The following KCNMA1 variants were observed in gnomAD, a reference collection of about 807,000 sequenced individuals.
KCNMA1 encodes the protein potassium calcium-activated channel subfamily M alpha 1, also known as Calcium-activated potassium channel subunit alpha-1.
A neutral mutation model predicts 140.0 loss-of-function variants in KCNMA1; 29 were observed. The ratio of observed to expected loss-of-function variants is 0.21; its 90% CI spans 0.15 to 0.28. KCNMA1 has a LOEUF of 0.28. Ranked by LOEUF, KCNMA1 falls within the 10% of genes least tolerant of loss-of-function variation. The pLI is 1.00. For synonymous variants in KCNMA1, 612 were observed against 611.9 expected, an observed-to-expected ratio of 1.00 and a Z score of 0.00; for missense variants, 880 against 1,602.2, an observed-to-expected ratio of 0.55 and a Z score of 7.70.
At chr10:77,349,377 A>G (rs2092597023) in intron 2 of KCNMA1, among the ~76,000 whole-genome samples, 1 of 152,200 alleles carries the variant, frequency 6.6e-6, no homozygotes, top group African/African-American at 2.4e-5. Flanking sequence ...TGAGAAATAA[A>G]TGTGCTTATC....
At chr10:76,891,169 A>G (rs963613508) in intron 26 of KCNMA1, among the ~76,000 whole-genome samples, 2 of 152,248 alleles carry the variant, frequency 1.3e-5, no homozygotes, top group Non-Finnish European at 2.9e-5. Context: ...CCTTGTGCAG[A>G]GGATACGTGA....
At chr10:77,468,233 G>T (rs1288824416) in intron 1 of KCNMA1, among the ~76,000 whole-genome samples, 4 of 152,116 alleles carry the variant, frequency 2.6e-5, no homozygotes, top group African/African-American at 4.8e-5. Flanking sequence ...GTCTCGAACT[G>T]TCAGAACTGT....
intron 5 of KCNMA1, among the ~76,000 whole-genome samples, chr10:77,126,321 T>C (rs1313634813): frequency 6.6e-6 from 1 of 152,176 alleles, no homozygotes; most frequent in Non-Finnish European, 1.5e-5. Context: ...GTAACTTCTC[T>C]ATCTATTCTC....
chr10:76,986,942 C>T (rs1279709511), intron 19 of KCNMA1, among the ~76,000 whole-genome samples: 2 of 152,128 alleles, frequency 1.3e-5, no homozygotes, highest in East Asian at 3.9e-4. Context: ...TGAGATCAAT[C>T]TATTCAAGAG....
At chr10:77,569,531 A>C (rs1312144716) in intron 1 of KCNMA1, among the ~76,000 whole-genome samples, 5 of 150,948 alleles carry the variant, frequency 3.3e-5, no homozygotes, top group Non-Finnish European at 4.4e-5. Flanking sequence ...CTGGCTAGCC[A>C]TATGTAGAAA....
chr10:77,397,346 C>CT (rs1566567646), intron 2 of KCNMA1, among the ~76,000 whole-genome samples: 1 of 152,088 alleles, frequency 6.6e-6, no homozygotes, highest in Non-Finnish European at 1.5e-5. Context: ...CCACCTGTTT[C>CT]TTTTTTTAAA....
intron 3 of KCNMA1, among the ~76,000 whole-genome samples, chr10:77,185,809 G>A (rs2098845217): frequency 6.6e-6 from 1 of 151,996 alleles, no homozygotes; most frequent in African/African-American, 2.4e-5. Flanking sequence ...GTGGGAAGTA[G>A]GAAAGCCTCA....
chr10:77,209,697 G>A (rs558824416), intron 3 of KCNMA1, among the ~76,000 whole-genome samples: 52 of 152,160 alleles, frequency 3.4e-4, no homozygotes, highest in African/African-American at 1.2e-3. Context: ...TCAAATAAGT[G>A]CAATCAGAAA....
chr10:77,416,491 GAAGA>G (rs1459386939), intron 1 of KCNMA1, among the ~76,000 whole-genome samples: 1 of 152,204 alleles, frequency 6.6e-6, no homozygotes, highest in Non-Finnish European at 1.5e-5. Flanking sequence ...GGGCAACTGG[GAAGA>G]AAGAATTCAA....
At chr10:77,348,477 C>A (rs1477413050) in intron 2 of KCNMA1, among the ~76,000 whole-genome samples, 4 of 152,048 alleles carry the variant, frequency 2.6e-5, no homozygotes, top group South Asian at 4.2e-4. Flanking sequence ...CCACAGAAGT[C>A]CCAAAAAAAG....
chr10:77,012,585 G>A lies in KCNMA1; in HGVS notation c.2016-542C>T, dbSNP rs759652648. On this transcript the variant is annotated intron_variant, in intron 17 of 27. Coordinates refer to ENST00000286628, the MANE Select transcript of KCNMA1 (RefSeq NM_001161352.2). Reference sequence around the variant, plus strand: ...GCAGAGAGGGAAAAACGAAAGCCACGAGTCAGTGGGTTCCTCTGTCAAACC... The same window carrying A: ...GCAGAGAGGGAAAAACGAAAGCCACAAGTCAGTGGGTTCCTCTGTCAAACC... 1.1e-4 allele frequency: 171 copies of A among 1,525,102 alleles called. No homozygotes were observed. The African/African-American group carries it at 1.5e-3, about 14-fold the overall frequency. 94.5% of individuals were successfully genotyped at this position (1,525,102 alleles called of 1,614,324 possible). A position where few individuals can be genotyped will look rare whatever the true frequency, so the allele number is the denominator to read the frequency against.
At chr10:77,007,651 G>GTATATA (rs1419890065) in intron 18 of KCNMA1, among the ~76,000 whole-genome samples, 1 of 8,412 alleles carries the variant, frequency 1.2e-4, no homozygotes, top group African/African-American at 6.1e-4. Flanking sequence ...TATTGTGTGT[G>GTATATA]TGTATATATA....
chr10:77,204,168 C>T lies in KCNMA1; in HGVS notation c.603-19252G>A, dbSNP rs145008921. 4.6e-5 allele frequency among the ~76,000 whole-genome samples: 7 copies of T among 151,874 alleles called. No individual in the cohort carries two copies. In the East Asian group the frequency reaches 1.4e-3, roughly 29 times the overall value. Reference sequence around the variant, plus strand: ...GACAATTACATCAGTTACAATATTACTACAATCCCTAGAGGATGAGGTGCA... The same window carrying T: ...GACAATTACATCAGTTACAATATTATTACAATCCCTAGAGGATGAGGTGCA... On this transcript the variant is annotated intron_variant, in intron 3 of 27. Coordinates refer to ENST00000286628, the MANE Select transcript of KCNMA1 (RefSeq NM_001161352.2).
intron 2 of KCNMA1, among the ~76,000 whole-genome samples, chr10:77,372,296 C>T (rs543756355): frequency 1.3e-5 from 2 of 152,194 alleles, no homozygotes; most frequent in Admixed American, 1.3e-4. Flanking sequence ...TTGTTCCCAT[C>T]GCTGCCACTC....
chr10:77,368,865 T>G (rs1047883600), intron 2 of KCNMA1, among the ~76,000 whole-genome samples: 1 of 152,250 alleles, frequency 6.6e-6, no homozygotes, highest in Non-Finnish European at 1.5e-5. Context: ...GGTCTATTTT[T>G]GGACTCTAGT....
chr10:77,462,310 G>A (rs1309718332), intron 1 of KCNMA1, among the ~76,000 whole-genome samples: 1 of 151,762 alleles, frequency 6.6e-6, no homozygotes, highest in African/African-American at 2.4e-5. Flanking sequence ...CACATACACA[G>A]AAACATATAT....
intron 2 of KCNMA1, among the ~76,000 whole-genome samples, chr10:77,340,873 C>CAAA (rs11297506): frequency 7.4e-6 from 1 of 135,562 alleles, no homozygotes. Context: ...TAAAAAATGC[C>CAAA]AAAAAAAAAA....
chr10:77,069,697 G>C (rs984219192), intron 14 of KCNMA1, among the ~76,000 whole-genome samples: 8 of 152,202 alleles, frequency 5.3e-5, no homozygotes, highest in African/African-American at 1.9e-4. Context: ...AGGGTCCTAA[G>C]GTTGGTATCT....
intron 2 of KCNMA1, among the ~76,000 whole-genome samples, chr10:77,324,971 C>CTCTCTCTCTCTCTCTCTCTGTG (rs766240356): frequency 2.2e-5 from 2 of 90,376 alleles, no homozygotes; most frequent in Non-Finnish European, 4.3e-5. Context: ...CTCTCTCTCT[C>CTCTCTCTCTCTCTCTCTCTGTG]TGTGTGTGTG....
Sources: allele counts gnomAD v4.1 joint callset (sites outside exome capture counted in the v4.1 genomes callset), GRCh38; gene constraint gnomAD v4.1.1; transcripts MANE v1.5; gene names NCBI Gene and HGNC (gene_info 2026-07-23, HGNC 2026-07-21).